Variants in GABRG2 observed in about 807,000 individuals in gnomAD.
The protein encoded by GABRG2 is gamma-aminobutyric acid type A receptor subunit gamma2, also known as gamma-aminobutyric acid receptor subunit gamma-2.
A neutral mutation model predicts 56.4 loss-of-function variants in GABRG2; 16 were observed. The ratio of observed to expected loss-of-function variants is 0.28; its 90% CI spans 0.19 to 0.43. The LOEUF (loss-of-function observed/expected upper bound fraction) is 0.43. Ranked by LOEUF, GABRG2 falls within the 20% of genes least tolerant of loss-of-function variation. The pLI, the probability that GABRG2 is intolerant of heterozygous loss-of-function variation, is 1.00. For missense variants in GABRG2, 327 were observed against 582.7 expected, an observed-to-expected ratio of 0.56 and a Z score of 4.52; for synonymous variants, 208 against 205.5, an observed-to-expected ratio of 1.01 and a Z score of -0.10.
chr5:162,100,644 T>C (rs2113349240), intron 4 of GABRG2, among the ~76,000 whole-genome samples: 1 of 152,318 alleles, frequency 6.6e-6, no homozygotes, highest in South Asian at 2.1e-4. Flanking sequence ...TTTCTTGTTT[T>C]CCATTAGATA....
In GABRG2 at chr5:162,149,238, G is replaced by A. The variant is rs149472714; in HGVS notation, c.1053G>A (p.Val351=). The A allele has an allele frequency of 2.5e-6, 4 of 1,614,104 alleles. No homozygotes were observed. The African/African-American group carries it at 4.0e-5, about 16-fold the overall frequency. Reference sequence around the variant, plus strand: ...TCATCTTTGTCTTCTCTGCTCTGGTGGAGTATGGCACCTTGCATTATTTTG... The same window carrying A: ...TCATCTTTGTCTTCTCTGCTCTGGTAGAGTATGGCACCTTGCATTATTTTG... ...VCFIFVFSAL[V]EYGTLHYFVS... The change falls in exon 8 of 10, where the codon GTG becomes GTA. Residue 351 remains valine (V), a synonymous_variant. Coordinates refer to ENST00000639213, the MANE Select transcript of GABRG2 (RefSeq NM_198904.4).
rs185229388 is a variant in GABRG2, at chr5:162,113,633, A to G, written c.769+9607A>G. Among the ~76,000 whole-genome samples, 13 of 152,344 alleles carry G rather than the reference A, an allele frequency of 8.5e-5. No individual in the cohort carries two copies. The East Asian group carries it at 2.3e-3, about 27-fold the overall frequency. ...GAGTTTACTGGATTAGTTTCCAAAC[A>G]TAATTTGTAATCTGCCTATACTCAC... On this transcript the variant is annotated intron_variant, in intron 6 of 9. Transcript: ENST00000639213.
intron 1 of GABRG2, among the ~76,000 whole-genome samples, chr5:162,071,066 A>C (rs1758636379): frequency 6.6e-6 from 1 of 151,802 alleles, no homozygotes; most frequent in Non-Finnish European, 1.5e-5. Context: ...ACAAAGCATA[A>C]GGAATAGTAT....
intron 1 of GABRG2, among the ~76,000 whole-genome samples, chr5:162,091,795 T>C (rs1370009286): frequency 2.0e-5 from 3 of 152,178 alleles, no homozygotes; most frequent in African/African-American, 4.8e-5. Flanking sequence ...ACCATTATAC[T>C]TGACTCATTT....
intron 6 of GABRG2, among the ~76,000 whole-genome samples, chr5:162,119,988 T>C (rs1323431172): frequency 6.6e-6 from 1 of 152,074 alleles, no homozygotes; most frequent in East Asian, 1.9e-4. Flanking sequence ...ATCGCCCCCA[T>C]GCTTGCCATG....
At chr5:162,134,276 T>C (rs1176812736) in intron 6 of GABRG2, among the ~76,000 whole-genome samples, 4 of 152,276 alleles carry the variant, frequency 2.6e-5, no homozygotes, top group African/African-American at 9.6e-5. Flanking sequence ...TTTAAGAGGA[T>C]AGAATTGGTT....
intron 6 of GABRG2, among the ~76,000 whole-genome samples, chr5:162,135,912 G>A (rs959659006): frequency 6.6e-6 from 1 of 151,746 alleles, no homozygotes; most frequent in African/African-American, 2.4e-5. Context: ...AACATATGAA[G>A]CCCTAGAGAA....
chr5:162,087,764 C>T (rs894037136), intron 1 of GABRG2, among the ~76,000 whole-genome samples: 2 of 152,134 alleles, frequency 1.3e-5, no homozygotes, highest in African/African-American at 4.8e-5. Flanking sequence ...GTGATACTTA[C>T]AATTGAATTC....
At chr5:162,129,576 A>G (rs1581415425) in intron 6 of GABRG2, among the ~76,000 whole-genome samples, 2 of 152,082 alleles carry the variant, frequency 1.3e-5, no homozygotes, top group South Asian at 2.1e-4. Context: ...TATTTAATCC[A>G]TTCAACAAAT....
chr5:162,081,643 A>G (rs1759675455), intron 1 of GABRG2, among the ~76,000 whole-genome samples: 1 of 152,034 alleles, frequency 6.6e-6, no homozygotes, highest in African/African-American at 2.4e-5. Flanking sequence ...TGTGTCAAAT[A>G]AGCACAGGAA....
chr5:162,098,100 A>G, intron 4 of GABRG2: 1 of 526,904 alleles, frequency 1.9e-6, no homozygotes, highest in Non-Finnish European at 3.4e-6. Flanking sequence ...TGTGAAAACT[A>G]TTTTTTGTCA....
At chr5:162,098,629 T>G (rs1469590738) in intron 4 of GABRG2, 1 of 152,226 alleles carries the variant, frequency 6.6e-6, no homozygotes, top group East Asian at 1.9e-4. Flanking sequence ...GCTCTCTCTC[T>G]TACTATCTGT....
Position 162,149,272 on chromosome 5 carries a change from C to T in GABRG2, c.1087C>T (p.Arg363Trp), listed in dbSNP as rs374512652. The T allele has an allele frequency of 1.8e-5, 29 of 1,613,898 alleles. No homozygotes were observed. The highest frequency in any genetic ancestry group is 2.7e-5 in the African/African-American group (2 of 74,860). ...YGTLHYFVSN[R>W]KPSKDKDKKK... is the part of the protein sequence containing the mutation. ...CACCTTGCATTATTTTGTCAGCAACCGGAAACCAAGCAAGGACAAAGATAA... is the reference window on the plus strand; with the variant it reads ...CACCTTGCATTATTTTGTCAGCAACTGGAAACCAAGCAAGGACAAAGATAA... Residue 363 changes from arginine (R) to tryptophan (W), a missense_variant, in exon 8 of 10, where the codon CGG becomes TGG. Arg to Trp is a moderately radical substitution (Grantham distance 101). Coordinates refer to ENST00000639213, the MANE Select transcript of GABRG2 (RefSeq NM_198904.4).
At chr5:162,112,380 G>A (rs140103148) in intron 6 of GABRG2, among the ~76,000 whole-genome samples, 2 of 149,018 alleles carry the variant, frequency 1.3e-5, no homozygotes, top group South Asian at 4.3e-4. Context: ...CTAATAAACA[G>A]CTACTGCCCC....
chr5:162,085,950 C>A (rs948889575), intron 1 of GABRG2, among the ~76,000 whole-genome samples: 1 of 150,610 alleles, frequency 6.6e-6, no homozygotes, highest in South Asian at 2.1e-4. Flanking sequence ...ATGGTGTATA[C>A]GTACCACATT....
intron 4 of GABRG2, chr5:162,100,031 A>C (rs957925736): frequency 6.6e-6 from 1 of 152,158 alleles, no homozygotes; most frequent in Non-Finnish European, 1.5e-5. Flanking sequence ...TGAAGAGCAT[A>C]TAAATATATA....
chr5:162,108,659 A>G (rs560919886), intron 6 of GABRG2, among the ~76,000 whole-genome samples: 9 of 152,280 alleles, frequency 5.9e-5, no homozygotes, highest in South Asian at 2.1e-4. Context: ...ACTTTATATA[A>G]ATCATTTAAT....
At chr5:162,108,995 T>G (rs1234425080) in intron 6 of GABRG2, among the ~76,000 whole-genome samples, 1 of 152,158 alleles carries the variant, frequency 6.6e-6, no homozygotes. Flanking sequence ...ATGATTTATA[T>G]TTCTTTGGGT....
chr5:162,128,955 G>T (rs1444672298), intron 6 of GABRG2, among the ~76,000 whole-genome samples: 4 of 151,928 alleles, frequency 2.6e-5, no homozygotes, highest in Non-Finnish European at 4.4e-5. Context: ...GTTACAGCTG[G>T]ATTAGGTGAT....
Sources: gnomAD v4.1 joint callset for allele counts (sites outside exome capture counted in the v4.1 genomes callset) on GRCh38, gnomAD v4.1.1 for gene constraint, MANE v1.5 for transcripts, NCBI Gene and HGNC (gene_info 2026-07-23, HGNC 2026-07-21) for gene names.